The following CEMIP variants were observed in gnomAD, a reference collection of about 807,000 sequenced individuals.
CEMIP encodes the protein cell migration inducing hyaluronidase 1.
Under a neutral mutation model 156.9 loss-of-function variants are expected in CEMIP, and 105 were observed. That is an observed-to-expected ratio of 0.67 (90% confidence interval 0.57 to 0.79). CEMIP has a LOEUF of 0.79. Ranked by LOEUF, CEMIP falls within the 30% of genes least tolerant of loss-of-function variation. The pLI is 0.00. For missense variants in CEMIP, 1,457 were observed against 1,769.4 expected (o/e 0.82, Z 3.17); for synonymous variants, 676 against 668.4 (o/e 1.01, Z -0.17).
Position 80,888,783 on chromosome 15 carries a change from T to C in CEMIP, c.951T>C (p.Ser317=), listed in dbSNP as rs151251075. ...HGEYFNVSLS[S]EWVQDVEWTE... ...AATATTTCAATGTTTCTTTGTCCAG[T>C]GAGTGGGTTCAAGGTGAGGAGTTTC... Residue 317 remains serine, a synonymous_variant, in exon 9 of 30, where the codon AGT becomes AGC. Transcript: ENST00000394685. 1,223 of 1,614,006 alleles carry C rather than the reference T, an allele frequency of 7.6e-4. 10 individuals are homozygous for C. The African/African-American group carries it at 0.015, about 19-fold the overall frequency.
chr15:80,785,820 T>G (rs1485748638), intron 1 of CEMIP, among the ~76,000 whole-genome samples: 1 of 152,126 alleles, frequency 6.6e-6, no homozygotes, highest in East Asian at 1.9e-4. Context: ...ATGCATAAGC[T>G]CCCTCACCTG....
intron 17 of CEMIP, among the ~76,000 whole-genome samples, chr15:80,923,279 G>A (rs548733545): frequency 2.0e-5 from 3 of 152,222 alleles, no homozygotes; most frequent in East Asian, 1.9e-4. Flanking sequence ...AATTAGTGCC[G>A]GGTAACAGAG....
At chr15:80,901,638 G>A (rs986664198) in intron 12 of CEMIP, among the ~76,000 whole-genome samples, 3 of 151,506 alleles carry the variant, frequency 2.0e-5, no homozygotes, top group African/African-American at 7.3e-5. Flanking sequence ...GGAGGTGGAG[G>A]TTGCAGTGAG....
intron 1 of CEMIP, among the ~76,000 whole-genome samples, chr15:80,803,717 A>G (rs1014470305): frequency 6.6e-6 from 1 of 152,152 alleles, no homozygotes; most frequent in Non-Finnish European, 1.5e-5. Flanking sequence ...ACACATAGCT[A>G]ATCTGTGGCG....
At position 80,862,047 on chromosome 15, in the gene CEMIP, G is replaced by A. The variant is rs544760444; in HGVS notation, c.-175-11491G>A. On this transcript the variant is annotated intron_variant, in intron 1 of 29. Coordinates refer to ENST00000394685, the MANE Select transcript of CEMIP (RefSeq NM_001293298.2). ...GGCTCATGGTGGGGCAGCCTCCTGC[G>A]CTCCCCTTGGCCCTGGCAGACTTTC... is the stretch of plus-strand genomic sequence containing the variant. Among the ~76,000 whole-genome samples the A allele has an allele frequency of 3.9e-5, 6 of 152,332 alleles. No homozygotes were observed. In the South Asian group the frequency reaches 6.2e-4, roughly 16 times the overall value.
Position 80,873,890 on chromosome 15 carries a change from C to T in CEMIP, c.11C>T (p.Ala4Val). The T allele has an allele frequency of 1.3e-6, 2 of 1,578,612 alleles. No homozygotes were observed. Among genetic ancestry groups the T allele is most frequent in the East Asian group, 2.3e-5 (1 of 43,844 alleles). ...GAGCACACTGCCAGGATGGGAGCTG[C>T]TGGGAGGCAGGACTTCCTCTTCAAG... MGA[A>V]GRQDFLFKAM... The change falls in exon 3 of 30, where the codon GCT becomes GTT. Residue 4 changes from alanine to valine, a missense_variant. Coordinates refer to ENST00000394685, the MANE Select transcript of CEMIP (RefSeq NM_001293298.2).
chr15:80,805,195 TCA>T (rs1202465528), intron 1 of CEMIP, among the ~76,000 whole-genome samples: 1 of 152,090 alleles, frequency 6.6e-6, no homozygotes, highest in Non-Finnish European at 1.5e-5. Flanking sequence ...AGAGATCACA[TCA>T]GCCCTGGAGA....
chr15:80,866,450 G>A (rs137911262), intron 1 of CEMIP, among the ~76,000 whole-genome samples: 2,400 of 152,152 alleles, frequency 0.016, 77 homozygotes, highest in African/African-American at 0.055. Flanking sequence ...AAATTAGCCA[G>A]GCGTGGTGGT....
intron 7 of CEMIP, among the ~76,000 whole-genome samples, chr15:80,885,256 A>AG (rs1326536802): frequency 7.2e-5 from 11 of 152,330 alleles, no homozygotes; most frequent in African/African-American, 2.4e-4. Context: ...GCAAGATCAG[A>AG]GGGAAGCCAG....
At chr15:80,912,517 T>C (rs1445822307) in intron 14 of CEMIP, among the ~76,000 whole-genome samples, 1 of 152,332 alleles carries the variant, frequency 6.6e-6, no homozygotes, top group East Asian at 1.9e-4. Context: ...TGGGTTAGGA[T>C]TTGGAGTCTG....
chr15:80,886,846 G>T (rs1323874128), intron 7 of CEMIP, among the ~76,000 whole-genome samples: 2 of 152,152 alleles, frequency 1.3e-5, no homozygotes, highest in African/African-American at 4.8e-5. Context: ...GATTCCTCTT[G>T]GCTTCCTTCT....
intron 17 of CEMIP, among the ~76,000 whole-genome samples, chr15:80,924,300 G>A (rs891964852): frequency 6.6e-6 from 1 of 152,168 alleles, no homozygotes; most frequent in African/African-American, 2.4e-5. Flanking sequence ...TTGGGGCCTG[G>A]GCTAATAACT....
At chr15:80,845,043 C>T (rs1330422971) in intron 1 of CEMIP, among the ~76,000 whole-genome samples, 1 of 152,026 alleles carries the variant, frequency 6.6e-6, no homozygotes, top group Non-Finnish European at 1.5e-5. Context: ...AATATATATC[C>T]ATAAATATTA....
intron 1 of CEMIP, among the ~76,000 whole-genome samples, chr15:80,816,912 C>T (rs1896799341): frequency 6.6e-6 from 1 of 152,062 alleles, no homozygotes; most frequent in Admixed American, 6.6e-5. Flanking sequence ...ACGGGGTTCT[C>T]GCTCCTCAGG....
chr15:80,832,539 G>T (rs973769175), intron 1 of CEMIP, among the ~76,000 whole-genome samples: 2 of 152,116 alleles, frequency 1.3e-5, no homozygotes, highest in African/African-American at 2.4e-5. Flanking sequence ...AGATCGGAAT[G>T]AGTTTTGGGG....
At chr15:80,913,493 G>A (rs1288243094) in intron 14 of CEMIP, among the ~76,000 whole-genome samples, 3 of 152,172 alleles carry the variant, frequency 2.0e-5, no homozygotes, top group Non-Finnish European at 4.4e-5. Context: ...GAGTCACAGA[G>A]ACCTGTGTTT....
chr15:80,875,547 G>A (rs1028559842), intron 3 of CEMIP, among the ~76,000 whole-genome samples: 1 of 151,998 alleles, frequency 6.6e-6, no homozygotes, highest in Admixed American at 6.6e-5. Context: ...ATTTCTTCCC[G>A]CATCCTGGCA....
chr15:80,837,937 C>T (rs970218389), intron 1 of CEMIP, among the ~76,000 whole-genome samples: 7 of 152,346 alleles, frequency 4.6e-5, no homozygotes, highest in African/African-American at 1.7e-4. Flanking sequence ...ACACCAACTT[C>T]CTTGTTTACC....
rs1297146387 is a variant in CEMIP at position 80,906,054 on chromosome 15, G to T, written c.1412-609G>T. ...ATGAGGCTGAGGTAAGCAGAATAGGGATTTGCCTGCTTTAACAGATTATGA... is the reference window on the plus strand; with the variant it reads ...ATGAGGCTGAGGTAAGCAGAATAGGTATTTGCCTGCTTTAACAGATTATGA... On this transcript the variant is annotated intron_variant, in intron 12 of 29. Coordinates refer to ENST00000394685, the MANE Select transcript of CEMIP (RefSeq NM_001293298.2). The surrounding 1 kb of genome is among the most constrained non-coding windows in gnomAD (Gnocchi z 4.3). 6.6e-6 allele frequency among the ~76,000 whole-genome samples: 1 copy of T among 152,240 alleles called. No individual in the cohort carries two copies. Among genetic ancestry groups the T allele is most frequent in the Non-Finnish European group, 1.5e-5 (1 of 68,042 alleles).
Sources: gnomAD v4.1 joint callset for allele counts (sites outside exome capture counted in the v4.1 genomes callset) on GRCh38, gnomAD v4.1.1 for gene constraint, Gnocchi (gnomAD v3.1) non-coding constraint, MANE v1.5 for transcripts, NCBI Gene and HGNC (gene_info 2026-07-23, HGNC 2026-07-21) for gene names.